GRB2: variants seen among roughly 807,000 people sequenced by gnomAD.
GRB2 encodes growth factor receptor bound protein 2.
Under a neutral mutation model 27.4 loss-of-function variants are expected in GRB2, and 2 were observed. The observed-to-expected ratio is 0.07, with a 90% CI of 0.03 to 0.23. The LOEUF (loss-of-function observed/expected upper bound fraction) is 0.23, where lower values mean the gene tolerates loss of function less well. Among genes scored for constraint, GRB2 ranks in the 10% least tolerant of loss-of-function variants. The pLI, the probability that GRB2 is intolerant of heterozygous loss-of-function variation, is 1.00. For synonymous variants in GRB2, 94 were observed against 99.6 expected, an observed-to-expected ratio of 0.94 and a Z score of 0.33; for missense variants, 102 against 282.4, an observed-to-expected ratio of 0.36 and a Z score of 4.58.
chr17:75,357,639 G>A (rs1433171632), intron 2 of GRB2, among the ~76,000 whole-genome samples: 1 of 152,220 alleles, frequency 6.6e-6, no homozygotes, highest in Non-Finnish European at 1.5e-5. Context: ...AACTGAGGCA[G>A]GCCAGGAGCA....
intron 2 of GRB2, among the ~76,000 whole-genome samples, chr17:75,389,748 G>C (rs981814235): frequency 6.6e-6 from 1 of 152,160 alleles, no homozygotes; most frequent in Non-Finnish European, 1.5e-5. Flanking sequence ...GGGAGGCTGA[G>C]GCAGGAGAAT....
chr17:75,322,837 C>T (rs549779554), intron 4 of GRB2, among the ~76,000 whole-genome samples: 141 of 151,986 alleles, frequency 9.3e-4, no homozygotes, highest in Middle Eastern at 3.4e-3. Context: ...TCGGCATTCT[C>T]GGCCGGATGC....
intron 2 of GRB2, among the ~76,000 whole-genome samples, chr17:75,345,378 A>G (rs2145836114): frequency 6.6e-6 from 1 of 152,252 alleles, no homozygotes; most frequent in South Asian, 2.1e-4. Flanking sequence ...ACGTAAGACT[A>G]TGATTCAAGG....
chr17:75,324,266 C>T (rs1474515645), intron 4 of GRB2, among the ~76,000 whole-genome samples: 1 of 151,340 alleles, frequency 6.6e-6, no homozygotes, highest in Non-Finnish European at 1.5e-5. Flanking sequence ...GTGGCACGAT[C>T]TTGGCTCATC....
chr17:75,363,893 A>AAAAAAAAAAAAAAAAT (rs2078802850), intron 2 of GRB2, among the ~76,000 whole-genome samples: 1 of 119,712 alleles, frequency 8.4e-6, no homozygotes, highest in Non-Finnish European at 1.8e-5. Context: ...AAAAAAAAAA[A>AAAAAAAAAAAAAAAAT]AAAAAGTTTG....
chr17:75,403,075 C>A (rs1225127575), intron 1 of GRB2, among the ~76,000 whole-genome samples: 43 of 43,160 alleles, frequency 1.0e-3, no homozygotes, highest in South Asian at 2.8e-3. Flanking sequence ...GAATCTGTCT[C>A]AAAAAAAAAA....
intron 2 of GRB2, chr17:75,339,166 T>C: frequency 9.2e-7 from 1 of 1,083,376 alleles, no homozygotes; most frequent in Non-Finnish European, 1.4e-6. Flanking sequence ...TTTTGTTTTA[T>C]TATGAAGACA....
chr17:75,338,095 A>G (rs1349721562), intron 2 of GRB2, among the ~76,000 whole-genome samples: 1 of 151,648 alleles, frequency 6.6e-6, no homozygotes, highest in East Asian at 1.9e-4. Context: ...ACGCCTGGCT[A>G]ATTTTTGTAT....
chr17:75,374,250 A>C (rs933581862), intron 2 of GRB2, among the ~76,000 whole-genome samples: 1 of 151,768 alleles, frequency 6.6e-6, no homozygotes, highest in East Asian at 2.0e-4. Flanking sequence ...CTAAAAATAC[A>C]AAAATTAGCC....
intron 2 of GRB2, chr17:75,372,624 A>G (rs963804989): frequency 6.6e-6 from 1 of 152,364 alleles, no homozygotes; most frequent in East Asian, 1.9e-4. Flanking sequence ...TAATTTCTGC[A>G]TATGTCCTAT....
chr17:75,393,482 T>C (rs529888608), intron 2 of GRB2, 69 bp downstream of exon 2: 2 of 1,184,792 alleles, frequency 1.7e-6, no homozygotes, highest in South Asian at 2.4e-5. Flanking sequence ...TTGTGTGTAA[T>C]CAGGGCGAAA....
At chr17:75,363,767 G>A (rs1380979129) in intron 2 of GRB2, among the ~76,000 whole-genome samples, 1 of 151,014 alleles carries the variant, frequency 6.6e-6, no homozygotes, top group Non-Finnish European at 1.5e-5. Flanking sequence ...GGCTGAGGCA[G>A]GAGAATGGCG....
chr17:75,400,535 T>A (rs2079057002), intron 1 of GRB2, among the ~76,000 whole-genome samples: 1 of 151,772 alleles, frequency 6.6e-6, no homozygotes, highest in Admixed American at 6.6e-5. Context: ...AATGCAGTGG[T>A]GTGATCTCAT....
chr17:75,363,898 A>T (rs1252125785), intron 2 of GRB2, among the ~76,000 whole-genome samples: 1 of 143,702 alleles, frequency 7.0e-6, no homozygotes, highest in Non-Finnish European at 1.5e-5. Flanking sequence ...AAAAAAAAAA[A>T]GTTTGGCATT....
At chr17:75,396,149 T>C (rs2079027940) in intron 1 of GRB2, among the ~76,000 whole-genome samples, 1 of 152,206 alleles carries the variant, frequency 6.6e-6, no homozygotes, top group Non-Finnish European at 1.5e-5. Flanking sequence ...AATCATACTT[T>C]TTTGTACAAT....
chr17:75,353,945 CAGG>C (rs2078711071), intron 2 of GRB2, among the ~76,000 whole-genome samples: 1 of 151,160 alleles, frequency 6.6e-6, no homozygotes, highest in East Asian at 2.0e-4. Context: ...GAGGCTGAGG[CAGG>C]AGAATTGCTT....
At chr17:75,334,272 G>A (rs970652488) in intron 2 of GRB2, among the ~76,000 whole-genome samples, 6 of 152,044 alleles carry the variant, frequency 3.9e-5, no homozygotes, top group Admixed American at 6.6e-5. Context: ...CCGGGTTCAC[G>A]CCATTCTCTT....
At chr17:75,321,884 G>A in intron 4 of GRB2, 57 bp from the exon 5 acceptor site, 6 of 1,555,894 alleles carry the variant, frequency 3.9e-6, no homozygotes, top group Non-Finnish European at 5.3e-6. Context: ...GGCAAATCGA[G>A]GGTATTTCCA....
At chr17:75,353,229 G>T (rs1363042866) in intron 2 of GRB2, among the ~76,000 whole-genome samples, 1 of 151,824 alleles carries the variant, frequency 6.6e-6, no homozygotes, top group Non-Finnish European at 1.5e-5. Flanking sequence ...ATTCATGGGG[G>T]ACTGGTTCCA....
Sources: allele counts gnomAD v4.1 joint callset (sites outside exome capture counted in the v4.1 genomes callset), GRCh38; gene constraint gnomAD v4.1.1; transcripts MANE v1.5; gene names NCBI Gene and HGNC (gene_info 2026-07-23, HGNC 2026-07-21).